The following PLCG2 variants were observed in gnomAD, a reference collection of about 807,000 sequenced individuals.
PLCG2 encodes the protein phospholipase C gamma 2.
A neutral mutation model predicts 175.6 loss-of-function variants in PLCG2; 69 were observed. The ratio of observed to expected loss-of-function variants is 0.39; its 90% CI spans 0.32 to 0.48. PLCG2 has a LOEUF of 0.48. Ranked by LOEUF, PLCG2 falls within the 20% of genes least tolerant of loss-of-function variation. PLCG2 has a pLI of 0.91. For synonymous variants in PLCG2, 827 were observed against 624.0 expected, an observed-to-expected ratio of 1.33 and a Z score of -4.85; for missense variants, 1,798 against 1,650.9, an observed-to-expected ratio of 1.09 and a Z score of -1.54.
chr16:81,742,682 A>G (rs1711735735), intron 1 of PLCG2, among the ~76,000 whole-genome samples: 1 of 152,204 alleles, frequency 6.6e-6, no homozygotes, highest in African/African-American at 2.4e-5. Context: ...CTCAAGACAG[A>G]TGATAGCACA....
At chr16:81,952,232 G>A (rs1400121315) in intron 31 of PLCG2, among the ~76,000 whole-genome samples, 2 of 151,932 alleles carry the variant, frequency 1.3e-5, no homozygotes, top group African/African-American at 4.8e-5. Flanking sequence ...GGAATTGGAG[G>A]TATCAATATA....
chr16:81,878,601 C>G (rs1387791661), intron 7 of PLCG2, among the ~76,000 whole-genome samples: 1 of 152,184 alleles, frequency 6.6e-6, no homozygotes, highest in African/African-American at 2.4e-5. Flanking sequence ...TTCCTACTGT[C>G]TCTTGAGTCT....
At chr16:81,923,011 G>C (rs1273528601) in intron 21 of PLCG2, among the ~76,000 whole-genome samples, 1 of 152,174 alleles carries the variant, frequency 6.6e-6, no homozygotes, top group Non-Finnish European at 1.5e-5. Context: ...GAGCAATGAG[G>C]CCCTCAGGAC....
chr16:81,843,715 A>G (rs1161891311), intron 2 of PLCG2, among the ~76,000 whole-genome samples: 3 of 152,238 alleles, frequency 2.0e-5, no homozygotes, highest in Admixed American at 6.5e-5. Context: ...TTGTACTGTA[A>G]TGGAAAAAAC....
intron 2 of PLCG2, among the ~76,000 whole-genome samples, chr16:81,761,150 G>T (rs1335853619): frequency 6.6e-6 from 1 of 152,154 alleles, no homozygotes; most frequent in Non-Finnish European, 1.5e-5. Flanking sequence ...TCCCACCTTA[G>T]CCTCCCAAAC....
intron 1 of PLCG2, among the ~76,000 whole-genome samples, chr16:81,741,382 A>T (rs548632291): frequency 1.3e-5 from 2 of 152,374 alleles, no homozygotes; most frequent in East Asian, 3.9e-4. Context: ...GTTCCAAAGC[A>T]TCCACTATAT....
chr16:81,799,304 T>G (rs1013923000), intron 2 of PLCG2, among the ~76,000 whole-genome samples: 2 of 152,182 alleles, frequency 1.3e-5, no homozygotes, highest in Non-Finnish European at 2.9e-5. Context: ...CAACAAAACT[T>G]TATTCACAAG....
intron 2 of PLCG2, among the ~76,000 whole-genome samples, chr16:81,765,235 G>A (rs1910122491): frequency 6.6e-6 from 1 of 152,268 alleles, no homozygotes; most frequent in East Asian, 1.9e-4. Flanking sequence ...GGCAGAGGAT[G>A]GGGAGAGGCA....
At chr16:81,922,669 A>G (rs1316148256) in intron 21 of PLCG2, among the ~76,000 whole-genome samples, 1 of 152,156 alleles carries the variant, frequency 6.6e-6, no homozygotes, top group African/African-American at 2.4e-5. Flanking sequence ...TGTTCTGAGG[A>G]AAAATTTTAC....
chr16:81,814,716 C>G (rs1904462630), intron 2 of PLCG2, among the ~76,000 whole-genome samples: 1 of 151,928 alleles, frequency 6.6e-6, no homozygotes, highest in African/African-American at 2.4e-5. Flanking sequence ...AAAAGACACC[C>G]TGGGGGACAT....
At chr16:81,894,694 G>A (rs1908799084) in intron 12 of PLCG2, among the ~76,000 whole-genome samples, 1 of 152,032 alleles carries the variant, frequency 6.6e-6, no homozygotes, top group African/African-American at 2.4e-5. Flanking sequence ...CCAACATGGC[G>A]AAACCCTTTC....
chr16:81,925,779 G>T (rs1387629019), intron 22 of PLCG2, among the ~76,000 whole-genome samples: 1 of 152,050 alleles, frequency 6.6e-6, no homozygotes, highest in African/African-American at 2.4e-5. Context: ...CCCAGCTACT[G>T]GCGGGGCTGA....
chr16:81,884,307 C>T (rs186900688), intron 9 of PLCG2, among the ~76,000 whole-genome samples: 75 of 152,028 alleles, frequency 4.9e-4, no homozygotes, highest in Middle Eastern at 3.4e-3. Context: ...GCCGAGATTG[C>T]GCCACTGGAC....
upstream of PLCG2, among the ~76,000 whole-genome samples, chr16:81,778,105 G>C (rs1024999500): frequency 2.7e-5 from 4 of 149,282 alleles, no homozygotes; most frequent in Admixed American, 6.7e-5. Flanking sequence ...TAACAGACCA[G>C]TGGCACATGC....
chr16:81,871,399 T>G (rs1907507338), intron 7 of PLCG2, among the ~76,000 whole-genome samples: 1 of 152,180 alleles, frequency 6.6e-6, no homozygotes, highest in South Asian at 2.1e-4. Context: ...AGTGCAGTGG[T>G]GTGATCTTGG....
chr16:81,883,586 A>G (rs1908202261), intron 9 of PLCG2: 1 of 549,532 alleles, frequency 1.8e-6, no homozygotes, highest in Admixed American at 3.1e-5. Context: ...TTGAAGGCAC[A>G]CATTGAGGAT....
chr16:81,923,571 T>C lies in PLCG2; in HGVS notation c.2394T>C (p.Asn798=). ...TCTGCCGTGGTGCCCTCATCCACAA[T>C]GTCTCCAAGGAGCCCGGGGGCTGGT... ...LSFCRGALIH[N]VSKEPGGWWK... is the part of the protein sequence containing the mutation. Residue 798 remains asparagine, a synonymous_variant, in exon 22 of 33, where the codon AAT becomes AAC. Transcript: ENST00000564138. 1.2e-6 allele frequency: 2 copies of C among 1,612,770 alleles called. No homozygotes were observed. Among genetic ancestry groups the C allele is most frequent in the Non-Finnish European group, 1.7e-6 (2 of 1,178,914 alleles).
At chr16:81,904,583 C>A (rs1438754915) in intron 14 of PLCG2, among the ~76,000 whole-genome samples, 1 of 152,214 alleles carries the variant, frequency 6.6e-6, no homozygotes, top group Non-Finnish European at 1.5e-5. Context: ...CGCCACCCTG[C>A]CCAGCCTGTT....
intron 30 of PLCG2, 77 bp from the exon 31 acceptor site, chr16:81,946,098 C>T (rs867823683): frequency 1.6e-5 from 17 of 1,094,312 alleles, no homozygotes; most frequent in South Asian, 1.0e-4. Flanking sequence ...CCTATGATCC[C>T]GAGGTAGCCT....
Sources: allele counts gnomAD v4.1 joint callset (sites outside exome capture counted in the v4.1 genomes callset), GRCh38; gene constraint gnomAD v4.1.1; transcripts MANE v1.5; gene names NCBI Gene and HGNC (gene_info 2026-07-23, HGNC 2026-07-21).